Variants in RBFOX1 observed in about 807,000 individuals in gnomAD.
The protein encoded by RBFOX1 is RNA binding fox-1 homolog 1, also known as RNA binding protein fox-1 homolog 1.
Under a neutral mutation model 57.7 loss-of-function variants are expected in RBFOX1, and 8 were observed. The ratio of observed to expected loss-of-function variants is 0.14; its 90% confidence interval spans 0.08 to 0.25. The LOEUF (loss-of-function observed/expected upper bound fraction) is 0.25. Among genes scored for constraint, RBFOX1 ranks in the 10% least tolerant of loss-of-function variants. The pLI, the probability that RBFOX1 is intolerant of heterozygous loss-of-function variation, is 1.00. For missense variants in RBFOX1, 611 were observed against 548.5 expected (o/e 1.11, Z -1.14); for synonymous variants, 326 against 222.4 (o/e 1.47, Z -4.15).
At position 7,600,013 on chromosome 16, in the gene RBFOX1, T is replaced by C. The variant is rs149840742; in HGVS notation, c.622+2582T>C. Among the ~76,000 whole-genome samples, 663 of 152,232 alleles carry C rather than the reference T, an allele frequency of 4.4e-3. 5 individuals are homozygous for C. The highest frequency in any genetic ancestry group is 0.015 in the African/African-American group (627 of 41,540). On this transcript the variant is annotated intron_variant, in intron 9 of 15. Transcript: ENST00000550418. ...TGTATCAGGCATCGCTTTCCCTTTG[T>C]CTTCTTGTAGAAATGCACTCAAGTG...
At chr16:7,065,570 G>A (rs550553453) in intron 4 of RBFOX1, among the ~76,000 whole-genome samples, 7 of 152,226 alleles carry the variant, frequency 4.6e-5, no homozygotes, top group Admixed American at 2.0e-4. Flanking sequence ...ATACAGCATG[G>A]TGTTTTAGTA....
At chr16:6,986,577 C>G (rs1382355540) in intron 3 of RBFOX1, among the ~76,000 whole-genome samples, 1 of 152,172 alleles carries the variant, frequency 6.6e-6, no homozygotes, top group African/African-American at 2.4e-5. Context: ...TAGGCATGAG[C>G]TCCTGGGCCT....
At chr16:7,387,519 T>G (rs1342912035) in intron 4 of RBFOX1, among the ~76,000 whole-genome samples, 4 of 152,218 alleles carry the variant, frequency 2.6e-5, no homozygotes, top group Non-Finnish European at 5.9e-5. Flanking sequence ...TTATCAAAAT[T>G]GCACATTTGC....
intron 4 of RBFOX1, among the ~76,000 whole-genome samples, chr16:7,215,441 G>C (rs2091878329): frequency 6.6e-6 from 1 of 152,110 alleles, no homozygotes; most frequent in Non-Finnish European, 1.5e-5. Context: ...ATGATAGACT[G>C]GATAAGGAAA....
At chr16:6,183,873 G>C (rs1362351087) in intron 1 of RBFOX1, among the ~76,000 whole-genome samples, 1 of 152,146 alleles carries the variant, frequency 6.6e-6, no homozygotes, top group Non-Finnish European at 1.5e-5. Flanking sequence ...TATGGACCTG[G>C]GATTTAGCTT....
intron 4 of RBFOX1, among the ~76,000 whole-genome samples, chr16:7,208,886 C>G (rs2090533601): frequency 6.6e-6 from 1 of 152,022 alleles, no homozygotes; most frequent in Non-Finnish European, 1.5e-5. Flanking sequence ...CTCCTAAGGA[C>G]TAAGAGAGCA....
intron 4 of RBFOX1, among the ~76,000 whole-genome samples, chr16:7,123,516 C>T (rs2067689101): frequency 1.3e-5 from 2 of 152,042 alleles, no homozygotes; most frequent in African/African-American, 2.4e-5. Flanking sequence ...AGGTGCACCT[C>T]AACATAATTG....
intron 2 of RBFOX1, among the ~76,000 whole-genome samples, chr16:5,481,660 G>A (rs1318215371): frequency 6.6e-6 from 1 of 152,204 alleles, no homozygotes; most frequent in East Asian, 1.9e-4. Context: ...GTCAGCTCTT[G>A]TATTAGTTTG....
At chr16:7,608,098 G>A (rs1477330860) in intron 10 of RBFOX1, among the ~76,000 whole-genome samples, 1 of 152,198 alleles carries the variant, frequency 6.6e-6, no homozygotes, top group Non-Finnish European at 1.5e-5. Flanking sequence ...ACCTTAGTAG[G>A]TTTGCCACAT....
In RBFOX1 at chr16:6,306,468, C is replaced by T. The variant is rs576189061; in HGVS notation, c.-126-10527C>T. ...ATTAGCACTTCTTTTACGTCAGAGG[C>T]ATTTTTATGTAAGAAGTCTACTGAT... On this transcript the variant is annotated intron_variant, in intron 1 of 15. Coordinates refer to ENST00000550418, the MANE Select transcript of RBFOX1 (RefSeq NM_018723.4). Among the ~76,000 whole-genome samples the T allele has an allele frequency of 1.6e-4, 24 of 152,296 alleles. No homozygotes were observed. In the South Asian group the frequency reaches 3.7e-3, roughly 24 times the overall value.
chr16:7,039,724 T>C (rs1351815231), intron 3 of RBFOX1, among the ~76,000 whole-genome samples: 3 of 152,264 alleles, frequency 2.0e-5, no homozygotes, highest in South Asian at 2.1e-4. Context: ...CAAGAAGCAG[T>C]GGGTATGATT....
chr16:7,550,241 C>T (rs553979082), intron 5 of RBFOX1, among the ~76,000 whole-genome samples: 1 of 120,870 alleles, frequency 8.3e-6, no homozygotes, highest in South Asian at 3.5e-4. Context: ...TGAGTGAGTT[C>T]CTCCAGAGTC....
chr16:7,189,295 G>T (rs551662764), intron 4 of RBFOX1, among the ~76,000 whole-genome samples: 2 of 151,506 alleles, frequency 1.3e-5, no homozygotes, highest in Non-Finnish European at 2.9e-5. Flanking sequence ...GCGTGGTGGC[G>T]GGCGCCTGAA....
At chr16:6,075,309 G>T (rs568061301) in intron 1 of RBFOX1, among the ~76,000 whole-genome samples, 1 of 152,190 alleles carries the variant, frequency 6.6e-6, no homozygotes, top group South Asian at 2.1e-4. Flanking sequence ...CCAGGGAGGT[G>T]GAAAATAAAT....
chr16:5,392,356 T>C (rs967645136), intron 1 of RBFOX1, among the ~76,000 whole-genome samples: 1 of 152,134 alleles, frequency 6.6e-6, no homozygotes, highest in South Asian at 2.1e-4. Flanking sequence ...TGACTTCTTA[T>C]TAACTTCATC....
At chr16:5,395,328 C>G (rs749121297) in intron 1 of RBFOX1, among the ~76,000 whole-genome samples, 1 of 152,224 alleles carries the variant, frequency 6.6e-6, no homozygotes, top group South Asian at 2.1e-4. Context: ...TAGATTCTTG[C>G]CAACTTGGAT....
chr16:5,361,942 G>A (rs2065563336), intron 1 of RBFOX1, among the ~76,000 whole-genome samples: 1 of 152,198 alleles, frequency 6.6e-6, no homozygotes, highest in South Asian at 2.1e-4. Flanking sequence ...GGCAGATAAT[G>A]CTCAAATAGC....
At chr16:6,723,608 C>T (rs758577457) in intron 3 of RBFOX1, 3 of 152,014 alleles carry the variant, frequency 2.0e-5, no homozygotes, top group African/African-American at 4.8e-5. Flanking sequence ...TGAGTGAGCC[C>T]TGTTGTATAT....
intron 5 of RBFOX1, among the ~76,000 whole-genome samples, chr16:7,531,290 A>G (rs1842990674): frequency 6.6e-6 from 1 of 152,204 alleles, no homozygotes; most frequent in Non-Finnish European, 1.5e-5. Flanking sequence ...GTTACAAAAG[A>G]GGAAGCAGCG....
Sources: allele counts gnomAD v4.1 joint callset (sites outside exome capture counted in the v4.1 genomes callset), GRCh38; gene constraint gnomAD v4.1.1; transcripts MANE v1.5; gene names NCBI Gene and HGNC (gene_info 2026-07-23, HGNC 2026-07-21).